The following CPD variants were observed in gnomAD, a reference collection of about 807,000 sequenced individuals.
CPD encodes metallocarboxypeptidase D.
CPD carries 69 observed loss-of-function variants against 138.3 expected under a neutral mutation model. The observed-to-expected ratio is 0.50, with a 90% CI of 0.41 to 0.61. The LOEUF is 0.61. Ranked by LOEUF, CPD falls within the 20% of genes least tolerant of loss-of-function variation. The pLI, the probability that CPD is intolerant of heterozygous loss-of-function variation, is 0.00. For synonymous variants in CPD, 651 were observed against 642.1 expected, an observed-to-expected ratio of 1.01 and a Z score of -0.21; for missense variants, 1,432 against 1,733.3, an observed-to-expected ratio of 0.83 and a Z score of 3.09.
chr17:30,424,208 A>G (rs1459463751), intron 6 of CPD, among the ~76,000 whole-genome samples: 2 of 152,196 alleles, frequency 1.3e-5, no homozygotes, highest in African/African-American at 2.4e-5. Flanking sequence ...TGAAAGATTT[A>G]TTATCAATCG....
At chr17:30,436,203 C>G (rs1348162604) in intron 8 of CPD, among the ~76,000 whole-genome samples, 1 of 152,066 alleles carries the variant, frequency 6.6e-6, no homozygotes, top group East Asian at 1.9e-4. Context: ...GTCCCAGCTA[C>G]TTGGGAGGCT....
intron 2 of CPD, among the ~76,000 whole-genome samples, chr17:30,407,017 A>G (rs993067267): frequency 6.6e-6 from 1 of 152,028 alleles, no homozygotes; most frequent in Non-Finnish European, 1.5e-5. Context: ...CCCTGTGTCC[A>G]TGTGTTCTCA....
intron 14 of CPD, among the ~76,000 whole-genome samples, chr17:30,452,237 G>A (rs1382401665): frequency 2.0e-5 from 3 of 150,988 alleles, no homozygotes; most frequent in Non-Finnish European, 4.4e-5. Flanking sequence ...ATGTATCATT[G>A]ACATGGTTCA....
intron 2 of CPD, among the ~76,000 whole-genome samples, chr17:30,391,164 C>T (rs534448290): frequency 1.0e-3 from 145 of 142,892 alleles, no homozygotes; most frequent in Non-Finnish European, 1.9e-3. Context: ...AATCACAGTG[C>T]GCTGATTTGT....
In CPD at chr17:30,445,863, A is replaced by G; in HGVS notation, c.2716A>G (p.Ile906Val). The change falls in exon 12 of 21, where the codon ATT becomes GTT. Residue 906 changes from isoleucine to valine, a missense_variant. Transcript: ENST00000225719. ...AACTACTAAAGAGTTTGAAACTTTA[A>G]TTAAAGACCTTTCAGCGGAGAATGG... ...DPTTKEFETL[I>V]KDLSAENGLE... 6.2e-7 allele frequency: 1 copy of G among 1,614,170 alleles called. No homozygotes were observed. Among genetic ancestry groups the G allele is most frequent in the Non-Finnish European group, 8.5e-7 (1 of 1,180,006 alleles).
chr17:30,397,734 T>C (rs1911545394), intron 2 of CPD, among the ~76,000 whole-genome samples: 1 of 94,438 alleles, frequency 1.1e-5, no homozygotes, highest in Non-Finnish European at 1.9e-5. Context: ...AAGACTCCTG[T>C]CTCAAAAAAA....
At chr17:30,381,431 C>T (rs1448632456) in intron 1 of CPD, among the ~76,000 whole-genome samples, 1 of 152,060 alleles carries the variant, frequency 6.6e-6, no homozygotes, top group Non-Finnish European at 1.5e-5. Context: ...TGGTGCAAGT[C>T]GCCTTGAGGC....
intron 14 of CPD, among the ~76,000 whole-genome samples, chr17:30,452,418 C>T (rs922041085): frequency 2.0e-5 from 3 of 151,278 alleles, no homozygotes; most frequent in Non-Finnish European, 4.4e-5. Context: ...ATTACAGGGA[C>T]CCGCCACCAT....
At position 30,438,997 on chromosome 17, in the gene CPD, G is replaced by A. The variant is rs762639839; in HGVS notation, c.2150G>A (p.Gly717Asp). 2 of 1,580,278 alleles carry A rather than the reference G, an allele frequency of 1.3e-6. No individual in the cohort carries two copies. The highest frequency in any genetic ancestry group is 1.7e-6 in the Non-Finnish European group (2 of 1,168,550). ...CAGGAAAATTCCCAGATGTTTCAAG[G>A]TAGACCTTGCAAGAATATGTATCCT... Reference protein sequence around the residue: ...YSKENSQMFQGRPCKNMYPNE... With the variant: ...YSKENSQMFQDRPCKNMYPNE... The change falls in exon 9 of 21, where the codon GGT (glycine) becomes GAT (aspartate). Residue 717 changes from glycine (G) to aspartate (D), a missense_variant. Coordinates refer to ENST00000225719, the MANE Select transcript of CPD (RefSeq NM_001304.5).
chr17:30,432,031 G>A (rs1912579128), intron 8 of CPD, 150 bp downstream of exon 8: 1 of 604,046 alleles, frequency 1.7e-6, no homozygotes, highest in South Asian at 2.1e-5. Context: ...TTTTTCTCCT[G>A]TTTCCCACCT....
At chr17:30,455,649 C>A in intron 15 of CPD, 179 bp downstream of exon 15, 1 of 576,296 alleles carries the variant, frequency 1.7e-6, no homozygotes, top group South Asian at 3.0e-5. Flanking sequence ...GAGCTCAGAT[C>A]TAATGGTAGC....
rs1384615099 is a variant in CPD, at chr17:30,462,378, G to C, written c.3825G>C (p.Val1275=). 6.2e-7 allele frequency: 1 copy of C among 1,613,178 alleles called. No individual in the cohort carries two copies. Among genetic ancestry groups the C allele is most frequent in the Non-Finnish European group, 8.5e-7 (1 of 1,179,464 alleles). Residue 1275 remains valine (V), a synonymous_variant, in exon 20 of 21, where the codon GTG becomes GTC. Transcript: ENST00000225719. ...ACACTTTCTCCTTCTAGGTCTTTGT[G>C]CATCATGATGCAGCTAGTTCTGTGG... is the stretch of plus-strand genomic sequence containing the variant. ...GYQQQHSQVF[V]HHDAASSVVI...
chr17:30,426,886 TA>T (rs2143427843), intron 6 of CPD, among the ~76,000 whole-genome samples: 1 of 152,052 alleles, frequency 6.6e-6, no homozygotes, highest in South Asian at 2.1e-4. Context: ...AGGTTAGAAG[TA>T]AGGTGGAGTC....
chr17:30,428,198 G>A (rs1323233563), intron 7 of CPD, among the ~76,000 whole-genome samples: 1 of 152,068 alleles, frequency 6.6e-6, no homozygotes, highest in Non-Finnish European at 1.5e-5. Flanking sequence ...ATATAATTTA[G>A]CAGGATGGAT....
Position 30,455,397 on chromosome 17 carries a change from C to A in CPD, c.3264C>A (p.Asp1088Glu). 1 of 1,613,762 alleles carries A rather than the reference C, an allele frequency of 6.2e-7. No homozygotes were observed. Among genetic ancestry groups the A allele is most frequent in the Non-Finnish European group, 8.5e-7 (1 of 1,179,830 alleles). ...AIIENLIQKQDFSLSVALDGG... is the reference protein window; with the variant it reads ...AIIENLIQKQEFSLSVALDGG... ...TTGAAAATTTGATTCAAAAACAGGA[C>A]TTTAGTCTTTCTGTTGCCTTAGATG... The change falls in exon 15 of 21, where the codon GAC (aspartate) becomes GAA (glutamate). Residue 1088 changes from aspartate (D) to glutamate (E), a missense_variant. Transcript: ENST00000225719.
At chr17:30,464,524 A>G in intron 20 of CPD, 64 bp from the exon 21 acceptor site, 2 of 1,317,542 alleles carry the variant, frequency 1.5e-6, no homozygotes, top group Non-Finnish European at 2.2e-6. Context: ...GTTCCATTGT[A>G]AGCGGCTGCT....
chr17:30,382,977 C>T (rs1376490554), intron 1 of CPD, among the ~76,000 whole-genome samples: 1 of 152,108 alleles, frequency 6.6e-6, no homozygotes, highest in Non-Finnish European at 1.5e-5. Context: ...CTGACCTGCC[C>T]CAGCCTTCTT....
intron 10 of CPD, 36 bp downstream of exon 10, chr17:30,442,486 G>T: frequency 1.9e-6 from 3 of 1,598,056 alleles, no homozygotes; most frequent in East Asian, 2.2e-5. Flanking sequence ...AATTTCTCCC[G>T]AGGGTGAAAA....
chr17:30,419,713 A>C (rs1912217268), intron 2 of CPD, among the ~76,000 whole-genome samples: 1 of 152,182 alleles, frequency 6.6e-6, no homozygotes, highest in Non-Finnish European at 1.5e-5. Context: ...TCTAACATTC[A>C]CTTTGCATAT....
Sources: gnomAD v4.1 joint callset for allele counts (sites outside exome capture counted in the v4.1 genomes callset) on GRCh38, gnomAD v4.1.1 for gene constraint, MANE v1.5 for transcripts, NCBI Gene and HGNC (gene_info 2026-07-23, HGNC 2026-07-21) for gene names.